Variants in MMP16 observed in about 807,000 individuals in gnomAD.
MMP16 encodes the protein matrix metallopeptidase 16.
A neutral mutation model predicts 67.8 loss-of-function variants in MMP16; 12 were observed. The ratio of observed to expected loss-of-function variants is 0.18; its 90% CI spans 0.11 to 0.29. The LOEUF (loss-of-function observed/expected upper bound fraction) is 0.29. MMP16 is among the 10% of genes least tolerant of loss of function. The pLI is 1.00. For missense variants in MMP16, 475 were observed against 765.7 expected (o/e 0.62, Z 4.48); for synonymous variants, 249 against 255.9 (o/e 0.97, Z 0.26).
At chr8:88,175,002 C>T (rs978680936) in intron 3 of MMP16, among the ~76,000 whole-genome samples, 2 of 152,098 alleles carry the variant, frequency 1.3e-5, no homozygotes, top group African/African-American at 4.8e-5. Context: ...GATATGTCCA[C>T]CTTGGTCTCC....
chr8:88,251,162 T>C lies in MMP16; in HGVS notation c.133-53856A>G, dbSNP rs538225490. Among the ~76,000 whole-genome samples, 98 of 152,120 alleles carry C rather than the reference T, an allele frequency of 6.4e-4. 1 individual carries two copies. The highest frequency in any genetic ancestry group is 1.9e-3 in the South Asian group (9 of 4,820). On this transcript the variant is annotated intron_variant, in intron 1 of 9. Coordinates refer to ENST00000286614, the MANE Select transcript of MMP16 (RefSeq NM_005941.5). ...ATGGTGTATATGTGCCACATTTTCTTAATCCAGAGCCCGCATCGCCAAGTC... is the reference window on the plus strand; with the variant it reads ...ATGGTGTATATGTGCCACATTTTCTCAATCCAGAGCCCGCATCGCCAAGTC...
intron 1 of MMP16, among the ~76,000 whole-genome samples, chr8:88,261,226 G>T (rs1243563042): frequency 1.3e-5 from 2 of 152,048 alleles, no homozygotes; most frequent in Non-Finnish European, 2.9e-5. Context: ...TCCAAGAGTA[G>T]GTAGTTACGC....
intron 1 of MMP16, among the ~76,000 whole-genome samples, chr8:88,324,868 A>C (rs944930740): frequency 1.3e-5 from 2 of 152,178 alleles, no homozygotes; most frequent in African/African-American, 4.8e-5. Context: ...CAATCTAAAA[A>C]AAAGGGGGGG....
chr8:88,186,519 C>A lies in MMP16; in HGVS notation c.361G>T (p.Ala121Ser), dbSNP rs1311546563. The A allele has an allele frequency of 6.3e-7, 1 of 1,599,924 alleles. No homozygotes were observed. Among genetic ancestry groups the A allele is most frequent in the African/African-American group, 1.4e-5 (1 of 72,562 alleles). Reference sequence around the variant, plus strand: ...TGCTGCCATTTCTGTCCTGTCAATGCATATCGCTTTCGACGAATATGAAAT... The same window carrying A: ...TGCTGCCATTTCTGTCCTGTCAATGAATATCGCTTTCGACGAATATGAAAT... ...SKFHIRRKRY[A>S]LTGQKWQHKH... is the part of the protein sequence containing the mutation. The change falls in exon 3 of 10, where the codon GCA (alanine) becomes TCA (serine). Residue 121 changes from alanine (A) to serine (S), a missense_variant. This residue lies in a region of MMP16 where 170 missense variants were observed against 239.6 expected (regional missense o/e 0.71). Transcript: ENST00000286614.
intron 1 of MMP16, among the ~76,000 whole-genome samples, chr8:88,197,820 G>A (rs1425044515): frequency 6.6e-6 from 1 of 152,178 alleles, no homozygotes; most frequent in Non-Finnish European, 1.5e-5. Context: ...CATTTTGGGT[G>A]TAAATTCCAT....
intron 7 of MMP16, among the ~76,000 whole-genome samples, chr8:88,060,962 GAAAGA>G (rs1285784259): frequency 2.0e-5 from 3 of 151,874 alleles, no homozygotes; most frequent in Non-Finnish European, 4.4e-5. Flanking sequence ...AGTACAGCAA[GAAAGA>G]AAAATTTTAC....
intron 1 of MMP16, among the ~76,000 whole-genome samples, chr8:88,282,651 C>A (rs773536759): frequency 1.6e-4 from 24 of 152,218 alleles, no homozygotes; most frequent in Non-Finnish European, 2.4e-4. Context: ...TTTATTGAAT[C>A]ACTATTTTTC....
At chr8:88,081,992 T>C (rs1206381089) in intron 6 of MMP16, among the ~76,000 whole-genome samples, 1 of 152,146 alleles carries the variant, frequency 6.6e-6, no homozygotes, top group Admixed American at 6.5e-5. Context: ...ACAAGGCTGC[T>C]AACAAAGTAA....
intron 1 of MMP16, among the ~76,000 whole-genome samples, chr8:88,268,171 T>C (rs995042522): frequency 2.6e-5 from 4 of 152,040 alleles, no homozygotes; most frequent in Non-Finnish European, 5.9e-5. Flanking sequence ...GGAGAAACCC[T>C]GTCTCTACTA....
chr8:88,214,880 T>C (rs890288468), intron 1 of MMP16, among the ~76,000 whole-genome samples: 1 of 152,190 alleles, frequency 6.6e-6, no homozygotes, highest in South Asian at 2.1e-4. Context: ...ATAATCTTTA[T>C]AGAGCCTTCC....
chr8:88,076,043 T>A (rs1808645671), intron 6 of MMP16, among the ~76,000 whole-genome samples: 1 of 151,264 alleles, frequency 6.6e-6, no homozygotes, highest in Non-Finnish European at 1.5e-5. Context: ...CCCAAATGAG[T>A]CCGAATATGA....
chr8:88,089,180 T>C (rs1345918964), intron 6 of MMP16, among the ~76,000 whole-genome samples: 1 of 152,016 alleles, frequency 6.6e-6, no homozygotes, highest in Admixed American at 6.6e-5. Flanking sequence ...GGAAGATCCA[T>C]ACATTAAGAA....
intron 1 of MMP16, among the ~76,000 whole-genome samples, chr8:88,282,651 C>G (rs773536759): frequency 6.6e-6 from 1 of 152,098 alleles, no homozygotes. Context: ...TTTATTGAAT[C>G]ACTATTTTTC....
chr8:88,256,594 A>G (rs978144393), intron 1 of MMP16, among the ~76,000 whole-genome samples: 2 of 152,102 alleles, frequency 1.3e-5, no homozygotes, highest in African/African-American at 4.8e-5. Flanking sequence ...TGAAGGATGC[A>G]TATTTATTTT....
intron 1 of MMP16, among the ~76,000 whole-genome samples, chr8:88,212,781 G>A (rs1809532088): frequency 6.6e-6 from 1 of 152,042 alleles, no homozygotes; most frequent in Admixed American, 6.6e-5. Flanking sequence ...GAATCCATAC[G>A]AAAAGATAGG....
chr8:88,243,179 T>C (rs1810058667), intron 1 of MMP16, among the ~76,000 whole-genome samples: 1 of 152,186 alleles, frequency 6.6e-6, no homozygotes, highest in Admixed American at 6.5e-5. Flanking sequence ...TGAAAGTTAC[T>C]GTTGTCAAGG....
chr8:88,070,024 C>T (rs1808524873), intron 7 of MMP16, among the ~76,000 whole-genome samples: 1 of 152,102 alleles, frequency 6.6e-6, no homozygotes, highest in Admixed American at 6.6e-5. Context: ...TCCATGGATA[C>T]AGTTTTACTT....
chr8:88,304,856 T>C (rs1811189309), intron 1 of MMP16, among the ~76,000 whole-genome samples: 1 of 152,032 alleles, frequency 6.6e-6, no homozygotes, highest in South Asian at 2.1e-4. Context: ...CTAAAGTATA[T>C]AGACCAGTGA....
At chr8:88,285,915 C>G (rs1810823201) in intron 1 of MMP16, among the ~76,000 whole-genome samples, 1 of 152,114 alleles carries the variant, frequency 6.6e-6, no homozygotes, top group Non-Finnish European at 1.5e-5. Context: ...TATGTCATCT[C>G]ATCCTCCTCC....
Sources: gnomAD v4.1 joint callset for allele counts (sites outside exome capture counted in the v4.1 genomes callset) on GRCh38, gnomAD v4.1.1 for gene constraint, gnomAD v4.1.1 regional missense constraint, MANE v1.5 for transcripts, NCBI Gene and HGNC (gene_info 2026-07-23, HGNC 2026-07-21) for gene names.